Variants in YOD1 observed in about 807,000 individuals in gnomAD.
The protein encoded by YOD1 is ubiquitin thioesterase OTU1.
Under a neutral mutation model 23.7 loss-of-function variants are expected in YOD1, and 17 were observed. The ratio of observed to expected loss-of-function variants is 0.72; its 90% CI spans 0.49 to 1.07. The LOEUF is 1.07. Among genes scored for constraint, YOD1 ranks in the 50% least tolerant of loss-of-function variants. The pLI is 0.00. For missense variants in YOD1, 413 were observed against 447.2 expected (o/e 0.92, Z 0.69); for synonymous variants, 191 against 169.6 (o/e 1.13, Z -0.98).
chr1:207,047,013 A>C lies in YOD1; in HGVS notation c.*2007T>G, dbSNP rs1682615556. Reference sequence around the variant, plus strand: ...AATGATGCATAAAGCTCAATTTGATAATTGTTATCTAGTGGTATATTCTTA... The same window carrying C: ...AATGATGCATAAAGCTCAATTTGATCATTGTTATCTAGTGGTATATTCTTA... On this transcript the variant is annotated 3_prime_UTR_variant, in exon 2 of 2. Transcript: ENST00000315927. 6.6e-6 allele frequency: 1 copy of C among 152,322 alleles called. No individual in the cohort carries two copies. The highest frequency in any genetic ancestry group is 1.5e-5 in the Non-Finnish European group (1 of 67,960). 9.4% of individuals were successfully genotyped at this position (152,322 alleles called of 1,614,324 possible). A position where few individuals can be genotyped will look rare whatever the true frequency, so the allele number is the denominator to read the frequency against.
At chr1:207,050,511 G>A (rs1032499174) in intron 1 of YOD1, among the ~76,000 whole-genome samples, 177 bp downstream of exon 1, 5 of 152,200 alleles carry the variant, frequency 3.3e-5, no homozygotes, top group African/African-American at 1.2e-4. Context: ...ACAAGGAGTT[G>A]CTAGACACTT....
In YOD1 at chr1:207,048,826, T is replaced by G. The variant is rs1213304602; in HGVS notation, c.*194A>C. 1 of 597,314 alleles carries G rather than the reference T, an allele frequency of 1.7e-6. No homozygotes were observed. The highest frequency in any genetic ancestry group is 2.9e-5 in the East Asian group (1 of 34,982). The allele number at this position is 597,314 out of a possible 1,614,324, so 37.0% of individuals were successfully genotyped here. ...GAGGCATGTATGTACAGTTTACCAC[T>G]GTAGACACACATCTGTAAACTTGCA... On this transcript the variant is annotated 3_prime_UTR_variant, in exon 2 of 2. Coordinates refer to ENST00000315927, the MANE Select transcript of YOD1 (RefSeq NM_018566.4).
In YOD1 at chr1:207,050,981, C is replaced by A. The variant is rs532257170; in HGVS notation, c.50G>T (p.Gly17Val). ...GRHFGVHPAP[G>V]FPGGVSQQAA... ...CTGTTGGGAGACGCCGCCGGGGAAACCAGGCGCCGGGTGGACTCCAAAATG... is the reference window on the plus strand; with the variant it reads ...CTGTTGGGAGACGCCGCCGGGGAAAACAGGCGCCGGGTGGACTCCAAAATG... Residue 17 changes from glycine (G) to valine (V), a missense_variant, in exon 1 of 2, where the codon GGT (glycine) becomes GTT (valine). Physicochemically the swap from Gly to Val is moderately radical, Grantham distance 109. Coordinates refer to ENST00000315927, the MANE Select transcript of YOD1 (RefSeq NM_018566.4). The A allele has an allele frequency of 3.0e-5, 46 of 1,537,678 alleles. No individual in the cohort carries two copies. The East Asian group carries it at 1.1e-3, about 37-fold the overall frequency.
At position 207,051,079 on chromosome 1, in the gene YOD1, T is replaced by C; in HGVS notation, c.-49A>G. On this transcript the variant is annotated 5_prime_UTR_variant, in exon 1 of 2. Coordinates refer to ENST00000315927, the MANE Select transcript of YOD1 (RefSeq NM_018566.4). ...AGTTATCGCGACGCTTCGGTGCGGC[T>C]TCTGCCTTAGTACCTTAGCAAGCGC... is the stretch of plus-strand genomic sequence containing the variant. The C allele has an allele frequency of 6.8e-7, 1 of 1,460,606 alleles. No individual in the cohort carries two copies. The allele number at this position is 1,460,606 out of a possible 1,614,324, so 90.5% of individuals were successfully genotyped here.
In YOD1 at chr1:207,047,293, G is replaced by C. The variant is rs1290226716; in HGVS notation, c.*1727C>G. 6.6e-6 allele frequency: 1 copy of C among 152,468 alleles called. No individual in the cohort carries two copies. Among genetic ancestry groups the C allele is most frequent in the Non-Finnish European group, 1.5e-5 (1 of 67,948 alleles). The allele number at this position is 152,468 out of a possible 1,614,324, so 9.4% of individuals were successfully genotyped here. ...GTCTAAAATAACTATGCACACAAAA[G>C]GTACTCAAGAAATGTCATCTGACAA... On this transcript the variant is annotated 3_prime_UTR_variant, in exon 2 of 2. Transcript: ENST00000315927.
upstream of YOD1, chr1:207,052,782 G>A (rs1008695123): frequency 1.3e-5 from 2 of 156,288 alleles, no homozygotes; most frequent in Non-Finnish European, 2.8e-5. Context: ...GACCTGTGGA[G>A]CCGGGTATGT....
At position 207,047,309 on chromosome 1, in the gene YOD1, C is replaced by T. The variant is rs1682623802; in HGVS notation, c.*1711G>A. The stretch of plus-strand genomic sequence containing the variant: ...CACACAAAAGGTACTCAAGAAATGT[C>T]ATCTGACAATTTCAAACAAACTTTG... On this transcript the variant is annotated 3_prime_UTR_variant, in exon 2 of 2. Transcript: ENST00000315927. 1 of 152,536 alleles carries T rather than the reference C, an allele frequency of 6.6e-6. No homozygotes were observed. The highest frequency in any genetic ancestry group is 1.5e-5 in the Non-Finnish European group (1 of 67,960). 9.4% of individuals were successfully genotyped at this position (152,536 alleles called of 1,614,324 possible).
Position 207,049,740 on chromosome 1 carries a change from A to G in YOD1, c.344-17T>C. 3.8e-6 allele frequency: 6 copies of G among 1,593,802 alleles called. No homozygotes were observed. Among genetic ancestry groups the G allele is most frequent in the Non-Finnish European group, 5.1e-6 (6 of 1,170,430 alleles). ...GCATGTCACCTGTTAAAAATAAAAC[A>G]AATCCCGATCTGCAAAGAAATTACA... is the stretch of plus-strand genomic sequence containing the variant. On this transcript the variant is annotated splice_polypyrimidine_tract_variant and intron_variant, in intron 1 of 1. Coordinates refer to ENST00000315927, the MANE Select transcript of YOD1 (RefSeq NM_018566.4).
rs771286369 is a variant in YOD1, at chr1:207,049,251, C to A, written c.816G>T (p.Gln272His). Residue 272 changes from glutamine (Q) to histidine (H), a missense_variant, in exon 2 of 2, where the codon CAG (glutamine) becomes CAT (histidine). Gln to His is a conservative substitution (Grantham distance 24). Coordinates refer to ENST00000315927, the MANE Select transcript of YOD1 (RefSeq NM_018566.4). Reference sequence around the variant, plus strand: ...GTGTATCTGGATCAGGGAAGTTACGCTGAAGTGGATCATAGTGGATGCCAT... The same window carrying A: ...GTGTATCTGGATCAGGGAAGTTACGATGAAGTGGATCATAGTGGATGCCAT... ...IYDGIHYDPL[Q>H]RNFPDPDTPP... The A allele has an allele frequency of 5.0e-6, 8 of 1,614,104 alleles. No individual in the cohort carries two copies. Among genetic ancestry groups the A allele is most frequent in the Non-Finnish European group, 6.8e-6 (8 of 1,180,022 alleles).
In YOD1 at chr1:207,049,453, G is replaced by C. The variant is rs773743947; in HGVS notation, c.614C>G (p.Thr205Arg). 1 of 1,613,986 alleles carries C rather than the reference G, an allele frequency of 6.2e-7. No individual in the cohort carries two copies. The highest frequency in any genetic ancestry group is 8.5e-7 in the Non-Finnish European group (1 of 1,180,024). ...DFYSEAILGK[T>R]NQEYCDWIKR... ...GATCCAGTCACAGTACTCTTGATTT[G>C]TTTTTCCCAGTATTGCCTCACTATA... Residue 205 changes from threonine (T) to arginine (R), a missense_variant, in exon 2 of 2, where the codon ACA becomes AGA. Physicochemically the swap from Thr to Arg is moderately conservative, Grantham distance 71 (BLOSUM62 -1). Transcript: ENST00000315927.
At position 207,051,184 on chromosome 1, in the gene YOD1, G is replaced by T. The variant is rs780904220; in HGVS notation, c.-154C>A. On this transcript the variant is annotated 5_prime_UTR_variant, in exon 1 of 2. Coordinates refer to ENST00000315927, the MANE Select transcript of YOD1 (RefSeq NM_018566.4). ...AACCTCCGTATTCCTAAAGGACAAC[G>T]GGTCTTGCTACCTATAGAGCGAGTG... 2.2e-6 allele frequency: 3 copies of T among 1,384,020 alleles called. No individual in the cohort carries two copies. Among genetic ancestry groups the T allele is most frequent in the Admixed American group, 3.1e-5 (1 of 31,776 alleles). 85.7% of individuals were successfully genotyped at this position (1,384,020 alleles called of 1,614,324 possible). A position where few individuals can be genotyped will look rare whatever the true frequency, so the allele number is the denominator to read the frequency against.
rs1682575036 is a variant in YOD1 at position 207,045,400 on chromosome 1, T to C, written c.*3620A>G. On this transcript the variant is annotated 3_prime_UTR_variant, in exon 2 of 2. Coordinates refer to ENST00000315927, the MANE Select transcript of YOD1 (RefSeq NM_018566.4). ...TTGTGCCAATAGATACACTCTACACTGATGGCAATCTTTGATTAAGAAGAG... is the reference window on the plus strand; with the variant it reads ...TTGTGCCAATAGATACACTCTACACCGATGGCAATCTTTGATTAAGAAGAG... 6.6e-6 allele frequency: 1 copy of C among 152,518 alleles called. No homozygotes were observed. 9.4% of individuals were successfully genotyped at this position (152,518 alleles called of 1,614,324 possible). A position where few individuals can be genotyped will look rare whatever the true frequency, so the allele number is the denominator to read the frequency against.
rs1682608642 is a variant in YOD1 at position 207,046,780 on chromosome 1, A to G, written c.*2240T>C. On this transcript the variant is annotated 3_prime_UTR_variant, in exon 2 of 2. Coordinates refer to ENST00000315927, the MANE Select transcript of YOD1 (RefSeq NM_018566.4). The stretch of plus-strand genomic sequence containing the variant: ...CATTTGTTAAATTTACCCACTGTAG[A>G]AAATATATACTGAATATAAAGTGAC... 1 of 152,146 alleles carries G rather than the reference A, an allele frequency of 6.6e-6. No homozygotes were observed. The highest frequency in any genetic ancestry group is 6.5e-5 in the Admixed American group (1 of 15,280). 9.4% of individuals were successfully genotyped at this position (152,146 alleles called of 1,614,324 possible).
rs1332023525 is a variant in YOD1 at position 207,048,565 on chromosome 1, T to C, written c.*455A>G. ...GTGGACTCACAGGAGGCCTTCCACATTACCCAAAATGTGATGCTTTCTTCT... is the reference window on the plus strand; with the variant it reads ...GTGGACTCACAGGAGGCCTTCCACACTACCCAAAATGTGATGCTTTCTTCT... On this transcript the variant is annotated 3_prime_UTR_variant, in exon 2 of 2. Coordinates refer to ENST00000315927, the MANE Select transcript of YOD1 (RefSeq NM_018566.4). 1 of 157,832 alleles carries C rather than the reference T, an allele frequency of 6.3e-6. No individual in the cohort carries two copies. The highest frequency in any genetic ancestry group is 1.4e-5 in the Non-Finnish European group (1 of 71,176). 9.8% of individuals were successfully genotyped at this position (157,832 alleles called of 1,614,324 possible). A position where few individuals can be genotyped will look rare whatever the true frequency, so the allele number is the denominator to read the frequency against.
At position 207,044,007 on chromosome 1, in the gene YOD1, A is replaced by G. The variant is rs1225504321; in HGVS notation, c.*5013T>C. On this transcript the variant is annotated 3_prime_UTR_variant, in exon 2 of 2. Transcript: ENST00000315927. ...TGAAGTTAGACATCTTCCAGGTAGC[A>G]GCAGTGTATTACTTCAAAAAATGCT... The G allele has an allele frequency of 6.6e-6, 1 of 152,626 alleles. No individual in the cohort carries two copies. Among genetic ancestry groups the G allele is most frequent in the African/African-American group, 2.4e-5 (1 of 41,472 alleles). The allele number at this position is 152,626 out of a possible 1,614,324, so 9.5% of individuals were successfully genotyped here.
chr1:207,050,628 T>G, intron 1 of YOD1, 60 bp downstream of exon 1: 1 of 1,597,484 alleles, frequency 6.3e-7, no homozygotes. Flanking sequence ...TGTTTTGTTC[T>G]CTCTCACGCC....
chr1:207,046,910 C>G lies in YOD1; in HGVS notation c.*2110G>C, dbSNP rs1682612670. 6.6e-6 allele frequency: 1 copy of G among 152,046 alleles called. No homozygotes were observed. Among genetic ancestry groups the G allele is most frequent in the Non-Finnish European group, 1.5e-5 (1 of 67,926 alleles). 9.4% of individuals were successfully genotyped at this position (152,046 alleles called of 1,614,324 possible). On this transcript the variant is annotated 3_prime_UTR_variant, in exon 2 of 2. Coordinates refer to ENST00000315927, the MANE Select transcript of YOD1 (RefSeq NM_018566.4). ...AAATATTTGTTGCACGAATAAACTTCTAGATCTAAAGCTGTAGTAAGCAAA... is the reference window on the plus strand; with the variant it reads ...AAATATTTGTTGCACGAATAAACTTGTAGATCTAAAGCTGTAGTAAGCAAA...
rs1228028644 is a variant in YOD1, at chr1:207,051,082, T to C, written c.-52A>G. ...TATCGCGACGCTTCGGTGCGGCTTC[T>C]GCCTTAGTACCTTAGCAAGCGCGAA... On this transcript the variant is annotated 5_prime_UTR_variant, in exon 1 of 2. Transcript: ENST00000315927. 6 of 1,458,586 alleles carry C rather than the reference T, an allele frequency of 4.1e-6. No individual in the cohort carries two copies. Among genetic ancestry groups the C allele is most frequent in the Non-Finnish European group, 5.4e-6 (6 of 1,109,458 alleles). The allele number at this position is 1,458,586 out of a possible 1,614,324, so 90.4% of individuals were successfully genotyped here.
In YOD1 at chr1:207,048,908, G is replaced by C. The variant is rs1483815398; in HGVS notation, c.*112C>G. The C allele has an allele frequency of 5.1e-6, 5 of 981,764 alleles. No homozygotes were observed. The highest frequency in any genetic ancestry group is 6.1e-6 in the Non-Finnish European group (4 of 658,888). The allele number at this position is 981,764 out of a possible 1,614,324, so 60.8% of individuals were successfully genotyped here. ...TGTCTTAGTGGTTTTAAGTTAAAAG[G>C]ATGGTTCAAGCATTGTATCCTTTGT... On this transcript the variant is annotated 3_prime_UTR_variant, in exon 2 of 2. Coordinates refer to ENST00000315927, the MANE Select transcript of YOD1 (RefSeq NM_018566.4).
Sources: gnomAD v4.1 joint callset for allele counts (sites outside exome capture counted in the v4.1 genomes callset) on GRCh38, gnomAD v4.1.1 for gene constraint, MANE v1.5 for transcripts, NCBI Gene and HGNC (gene_info 2026-07-23, HGNC 2026-07-21) for gene names.